Variants in GALNT18 observed in about 807,000 individuals in gnomAD.
GALNT18 encodes GalNAc-transferase 18.
Under a neutral mutation model 69.5 loss-of-function variants are expected in GALNT18, and 44 were observed. That is an observed-to-expected ratio of 0.63 (90% CI 0.50 to 0.81). The LOEUF (loss-of-function observed/expected upper bound fraction) is 0.81, where lower values mean the gene tolerates loss of function less well. Among genes scored for constraint, GALNT18 ranks in the 40% least tolerant of loss-of-function variants. The pLI is 0.00. For synonymous variants in GALNT18, 364 were observed against 318.2 expected (o/e 1.14, Z -1.53); for missense variants, 715 against 810.0 (o/e 0.88, Z 1.42).
rs113387602 is a variant in GALNT18, at chr11:11,389,698, C to T, written c.596-10434G>A. On this transcript the variant is annotated intron_variant, in intron 3 of 10. Transcript: ENST00000227756. The surrounding 1 kb of genome is among the most constrained non-coding windows in gnomAD (Gnocchi z 4.3). The stretch of plus-strand genomic sequence containing the variant: ...TCCTCCCATGAGCTTCTAGGGAGGG[C>T]GTACCAAGAACTCAAAGCCTTGGGA... Among the ~76,000 whole-genome samples, 1,341 of 152,232 alleles carry T rather than the reference C, an allele frequency of 8.8e-3. 7 individuals carry two copies. The highest frequency in any genetic ancestry group is 0.017 in the South Asian group (81 of 4,818).
intron 9 of GALNT18, among the ~76,000 whole-genome samples, chr11:11,301,020 G>C (rs1410142503): frequency 6.6e-6 from 1 of 152,164 alleles, no homozygotes; most frequent in Non-Finnish European, 1.5e-5. Context: ...ACAATGAGAA[G>C]GGGGAACTTA....
At chr11:11,589,191 G>T (rs1370676293) in intron 1 of GALNT18, among the ~76,000 whole-genome samples, 1 of 152,208 alleles carries the variant, frequency 6.6e-6, no homozygotes, top group Admixed American at 6.5e-5. Context: ...AGGAAAGGGG[G>T]CTGCGTTAGT....
At chr11:11,293,889 C>T (rs958988492) in intron 9 of GALNT18, among the ~76,000 whole-genome samples, 1 of 146,646 alleles carries the variant, frequency 6.8e-6, no homozygotes, top group Admixed American at 6.9e-5. Context: ...ATTGCGCCTT[C>T]AGGGAGCGCA....
chr11:11,273,404 T>A (rs1171333663), intron 10 of GALNT18, among the ~76,000 whole-genome samples: 1 of 152,156 alleles, frequency 6.6e-6, no homozygotes, highest in Non-Finnish European at 1.5e-5. Context: ...TGAACAGACA[T>A]TCCACAAAAG....
rs568585691 is a variant in GALNT18 at position 11,602,567 on chromosome 11, A to G, written c.235+18792T>C. Among the ~76,000 whole-genome samples the G allele has an allele frequency of 1.3e-5, 2 of 152,304 alleles. No individual in the cohort carries two copies. The highest frequency in any genetic ancestry group is 3.9e-4 in the East Asian group (2 of 5,182). ...GGCTCAAATGTCCCAGACTCTTGTT[A>G]TTACTAAAATTTAGTAGATTTTCTT... On this transcript the variant is annotated intron_variant, in intron 1 of 10. Transcript: ENST00000227756. The surrounding 1 kb of genome is among the most constrained non-coding windows in gnomAD (Gnocchi z 4.7).
At chr11:11,408,465 G>C (rs988310806) in intron 3 of GALNT18, among the ~76,000 whole-genome samples, 1 of 151,664 alleles carries the variant, frequency 6.6e-6, no homozygotes, top group Non-Finnish European at 1.5e-5. Context: ...GATTTATGCA[G>C]AGAAGACTCT....
chr11:11,280,125 GC>G (rs934428181), intron 10 of GALNT18, among the ~76,000 whole-genome samples: 1 of 152,100 alleles, frequency 6.6e-6, no homozygotes, highest in African/African-American at 2.4e-5. Flanking sequence ...CTCCTGCTGT[GC>G]CCCACACCCC....
chr11:11,575,675 C>G (rs1263189092), intron 1 of GALNT18, among the ~76,000 whole-genome samples: 1 of 152,184 alleles, frequency 6.6e-6, no homozygotes, highest in Non-Finnish European at 1.5e-5. Context: ...TAAGCTGCTC[C>G]CCTTCCTCAC....
rs539975434 is a variant in GALNT18 at position 11,614,925 on chromosome 11, C to T, written c.235+6434G>A. 3.9e-5 allele frequency among the ~76,000 whole-genome samples: 6 copies of T among 152,276 alleles called. No individual in the cohort carries two copies. Among genetic ancestry groups the T allele is most frequent in the African/African-American group, 9.6e-5 (4 of 41,548 alleles). ...GCTAAAAATGAAGATTCTTTGGTCA[C>T]GGGGAAAAGTTGTGTCCTTTGGCAA... is the stretch of plus-strand genomic sequence containing the variant. On this transcript the variant is annotated intron_variant, in intron 1 of 10. Coordinates refer to ENST00000227756, the MANE Select transcript of GALNT18 (RefSeq NM_198516.3). This position sits in a 1 kb window ranked among gnomAD's most constrained non-coding sequence, Gnocchi z 5.6.
intron 1 of GALNT18, among the ~76,000 whole-genome samples, chr11:11,519,035 AAAG>A (rs1857340061): frequency 1.3e-5 from 2 of 152,170 alleles, no homozygotes; most frequent in Non-Finnish European, 2.9e-5. Context: ...TGCCACACAT[AAAG>A]AAGAAAGAGC....
At chr11:11,458,764 G>A (rs1855976933) in intron 1 of GALNT18, among the ~76,000 whole-genome samples, 1 of 152,236 alleles carries the variant, frequency 6.6e-6, no homozygotes, top group Admixed American at 6.5e-5. Flanking sequence ...CGCCTTCACG[G>A]CCTGTGGGCC....
intron 8 of GALNT18, among the ~76,000 whole-genome samples, chr11:11,327,402 T>C (rs1056699249): frequency 2.0e-5 from 3 of 152,190 alleles, no homozygotes; most frequent in African/African-American, 7.2e-5. Context: ...TACATGTCAT[T>C]AAACAGTGAG....
At chr11:11,328,856 G>A (rs1849971197) in intron 8 of GALNT18, among the ~76,000 whole-genome samples, 1 of 152,202 alleles carries the variant, frequency 6.6e-6, no homozygotes, top group South Asian at 2.1e-4. Flanking sequence ...GCTAACTGCT[G>A]TTGCAAAGAG....
At chr11:11,448,122 C>G (rs146379406) in intron 2 of GALNT18, among the ~76,000 whole-genome samples, 1 of 152,114 alleles carries the variant, frequency 6.6e-6, no homozygotes, top group East Asian at 1.9e-4. Context: ...AGATCTTTCT[C>G]AAAGACTCCA....
chr11:11,447,106 C>T (rs755312448), intron 2 of GALNT18, among the ~76,000 whole-genome samples: 15 of 152,196 alleles, frequency 9.9e-5, no homozygotes, highest in Non-Finnish European at 1.8e-4. Flanking sequence ...TTACACACCC[C>T]ATTCCAGCCA....
chr11:11,550,116 T>A (rs1227837956), intron 1 of GALNT18, among the ~76,000 whole-genome samples: 3 of 152,196 alleles, frequency 2.0e-5, no homozygotes, highest in African/African-American at 7.2e-5. Flanking sequence ...TACAAACCAA[T>A]GCATCCAGTA....
At chr11:11,292,073 G>C (rs914189787) in intron 10 of GALNT18, among the ~76,000 whole-genome samples, 1 of 152,112 alleles carries the variant, frequency 6.6e-6, no homozygotes, top group African/African-American at 2.4e-5. Flanking sequence ...GGAGGCTGGA[G>C]TCAGGGACTC....
Position 11,505,117 on chromosome 11 carries a change from A to G in GALNT18, c.236-56181T>C, listed in dbSNP as rs1462106015. On this transcript the variant is annotated intron_variant, in intron 1 of 10. Coordinates refer to ENST00000227756, the MANE Select transcript of GALNT18 (RefSeq NM_198516.3). The surrounding 1 kb of genome is among the most constrained non-coding windows in gnomAD (Gnocchi z 4.6). ...GAAAATGCCACCTTGAGGGGATGAC[A>G]TTTGAAGAGGGCTTGAAGAATGAGT... is the stretch of plus-strand genomic sequence containing the variant. 6.6e-6 allele frequency among the ~76,000 whole-genome samples: 1 copy of G among 152,240 alleles called. No individual in the cohort carries two copies. Among genetic ancestry groups the G allele is most frequent in the African/African-American group, 2.4e-5 (1 of 41,460 alleles).
At chr11:11,306,638 G>A (rs989225192) in intron 9 of GALNT18, among the ~76,000 whole-genome samples, 3 of 152,078 alleles carry the variant, frequency 2.0e-5, no homozygotes, top group Non-Finnish European at 2.9e-5. Context: ...TTCATATTGG[G>A]GATCCCTTTT....
Sources: allele counts gnomAD v4.1 joint callset (sites outside exome capture counted in the v4.1 genomes callset), GRCh38; gene constraint gnomAD v4.1.1; non-coding constraint Gnocchi (gnomAD v3.1); transcripts MANE v1.5; gene names NCBI Gene and HGNC (gene_info 2026-07-23, HGNC 2026-07-21).